TMEM40: variants seen among roughly 807,000 people sequenced by gnomAD.
TMEM40 encodes transmembrane protein 40.
In TMEM40, 34 loss-of-function variants were observed where a neutral mutation model predicts 40.8. That is an observed-to-expected ratio of 0.83 (90% CI 0.63 to 1.11). The LOEUF is 1.11. Ranked by LOEUF, TMEM40 falls within the 50% of genes least tolerant of loss-of-function variation. The probability of loss-of-function intolerance (pLI) is 0.00; values close to 1 mark genes in which losing one functional copy is unlikely to be tolerated. For missense variants in TMEM40, 296 were observed against 280.2 expected (o/e 1.06, Z -0.40); for synonymous variants, 106 against 107.0 (o/e 0.99, Z 0.06).
intron 1 of TMEM40, among the ~76,000 whole-genome samples, chr3:12,766,909 G>A (rs773921189): frequency 2.0e-5 from 3 of 152,120 alleles, no homozygotes; most frequent in Non-Finnish European, 4.4e-5. Context: ...CTTGTGGAAC[G>A]AGAGATCTTC....
chr3:12,735,464 G>T, intron 11 of TMEM40, 91 bp downstream of exon 11: 1 of 1,334,472 alleles, frequency 7.5e-7, no homozygotes. Context: ...CTGCCTCCAG[G>T]CTGTGTTCTT....
intron 2 of TMEM40, 82 bp downstream of exon 2, chr3:12,749,678 C>T (rs2061457821): frequency 7.8e-7 from 1 of 1,281,660 alleles, no homozygotes; most frequent in Admixed American, 2.0e-5. Context: ...GTGAGTTGAG[C>T]AGGGTCTTCT....
At chr3:12,753,217 T>G (rs1395782272) in intron 1 of TMEM40, among the ~76,000 whole-genome samples, 2 of 131,552 alleles carry the variant, frequency 1.5e-5, no homozygotes, top group East Asian at 4.2e-4. Context: ...CTTTCTTTTT[T>G]TTTTTTTTTT....
At chr3:12,768,623 C>G (rs1017374798) in intron 1 of TMEM40, among the ~76,000 whole-genome samples, 2 of 88 alleles carry the variant, frequency 0.023, no homozygotes, top group African/African-American at 0.05. Context: ...GGTGTGTTTA[C>G]AAACCTGAGC....
intron 3 of TMEM40, among the ~76,000 whole-genome samples, chr3:12,748,201 C>T (rs1164434574): frequency 7.9e-5 from 12 of 152,210 alleles, no homozygotes; most frequent in Non-Finnish European, 1.6e-4. Flanking sequence ...TCATCCCCAT[C>T]TTCTAGATGA....
intron 1 of TMEM40, among the ~76,000 whole-genome samples, chr3:12,752,519 C>T (rs945115765): frequency 2.0e-5 from 3 of 152,118 alleles, no homozygotes; most frequent in African/African-American, 4.8e-5. Flanking sequence ...CCAGGACCGG[C>T]CGGGCGCGGT....
chr3:12,756,606 C>A (rs1036599977), intron 1 of TMEM40, among the ~76,000 whole-genome samples: 3 of 152,158 alleles, frequency 2.0e-5, no homozygotes, highest in Non-Finnish European at 4.4e-5. Context: ...TCATAAAATT[C>A]TTTCCCTGGC....
intron 3 of TMEM40, among the ~76,000 whole-genome samples, chr3:12,744,565 G>A (rs1414603484): frequency 6.6e-6 from 1 of 152,176 alleles, no homozygotes; most frequent in African/African-American, 2.4e-5. Flanking sequence ...CTTGTGATGT[G>A]CCTCTCTCCA....
At chr3:12,765,715 G>A (rs2061591138) in intron 1 of TMEM40, among the ~76,000 whole-genome samples, 1 of 151,634 alleles carries the variant, frequency 6.6e-6, no homozygotes, top group South Asian at 2.1e-4. Context: ...GACTACAGGC[G>A]CCTGCCACCA....
At chr3:12,762,180 G>T (rs2061571795), upstream of TMEM40, among the ~76,000 whole-genome samples, 1 of 151,996 alleles carries the variant, frequency 6.6e-6, no homozygotes, top group African/African-American at 2.4e-5. Flanking sequence ...GTGTTGCCCA[G>T]GCTGGTCTTG....
Position 12,749,782 on chromosome 3 carries a change from G to T in TMEM40, c.51C>A (p.His17Gln). ...SSQPQDNSQV[H>Q]RETEDVDYGE... ...TACAGTCTACATCTTCTGTTTCTCT[G>T]TGGACTTGACTGTTGTCCTGAGGCT... is the stretch of plus-strand genomic sequence containing the variant. The change falls in exon 2 of 12, where the codon CAC becomes CAA. Residue 17 changes from histidine (H) to glutamine (Q), a missense_variant. Physicochemically the swap from His to Gln is conservative, Grantham distance 24. Coordinates refer to ENST00000314124, the MANE Select transcript of TMEM40 (RefSeq NM_018306.4). 6.2e-7 allele frequency: 1 copy of T among 1,614,090 alleles called. No individual in the cohort carries two copies. Among genetic ancestry groups the T allele is most frequent in the Non-Finnish European group, 8.5e-7 (1 of 1,180,026 alleles).
At chr3:12,752,789 C>G (rs1218938881) in intron 1 of TMEM40, among the ~76,000 whole-genome samples, 4 of 150,250 alleles carry the variant, frequency 2.7e-5, no homozygotes, top group African/African-American at 7.4e-5. Flanking sequence ...GGCGACAGGG[C>G]AAGACTCTGT....
intron 3 of TMEM40, among the ~76,000 whole-genome samples, chr3:12,746,764 AAT>A (rs2061432298): frequency 6.6e-6 from 1 of 152,248 alleles, no homozygotes; most frequent in African/African-American, 2.4e-5. Flanking sequence ...CCATTTGGCT[AAT>A]TTCAGCCAGT....
At chr3:12,757,470 A>AG (rs1491577871) in intron 1 of TMEM40, among the ~76,000 whole-genome samples, 2 of 109,882 alleles carry the variant, frequency 1.8e-5, no homozygotes, top group Non-Finnish European at 3.5e-5. Context: ...ACTCCGTCTC[A>AG]AAAAAAAAAA....
intron 8 of TMEM40, 64 bp downstream of exon 8, chr3:12,737,643 G>A (rs1287185521): frequency 2.7e-6 from 4 of 1,505,208 alleles, no homozygotes; most frequent in African/African-American, 2.8e-5. Context: ...GCCACCAGCT[G>A]CATTTCACCC....
intron 1 of TMEM40, among the ~76,000 whole-genome samples, chr3:12,753,876 G>T (rs960146650): frequency 2.0e-4 from 30 of 152,306 alleles, no homozygotes; most frequent in African/African-American, 7.0e-4. Flanking sequence ...CTGTCACAGG[G>T]CCTGGGCCCA....
At chr3:12,763,792 C>A (rs1011115937), upstream of TMEM40, among the ~76,000 whole-genome samples, 19 of 152,180 alleles carry the variant, frequency 1.2e-4, no homozygotes, top group Admixed American at 1.2e-3. Flanking sequence ...ATCCTTCAGG[C>A]TGATTGGAAC....
chr3:12,759,949 C>T (rs1448472272), upstream of TMEM40, among the ~76,000 whole-genome samples: 5 of 143,342 alleles, frequency 3.5e-5, no homozygotes, highest in South Asian at 2.3e-4. Context: ...AGTCCTACCA[C>T]GGGAGCCCCC....
At chr3:12,756,250 G>T (rs1030213435) in intron 1 of TMEM40, among the ~76,000 whole-genome samples, 2 of 152,114 alleles carry the variant, frequency 1.3e-5, no homozygotes, top group African/African-American at 4.8e-5. Context: ...ACTACCATTG[G>T]TGATTGAAAT....
Sources: allele counts gnomAD v4.1 joint callset (sites outside exome capture counted in the v4.1 genomes callset), GRCh38; gene constraint gnomAD v4.1.1; transcripts MANE v1.5; gene names NCBI Gene and HGNC (gene_info 2026-07-23, HGNC 2026-07-21).